SRCAP: variants seen among roughly 807,000 people sequenced by gnomAD.
SRCAP encodes Snf2 related CREBBP activator protein.
In SRCAP, 46 loss-of-function variants were observed where a neutral mutation model predicts 263.1. The ratio of observed to expected loss-of-function variants is 0.17; its 90% CI spans 0.14 to 0.22. The LOEUF (loss-of-function observed/expected upper bound fraction) is 0.22, where lower values mean the gene tolerates loss of function less well. Among genes scored for constraint, SRCAP ranks in the 10% least tolerant of loss-of-function variants. The probability of loss-of-function intolerance (pLI) is 1.00; values close to 1 mark genes in which losing one functional copy is unlikely to be tolerated. For missense variants in SRCAP, 3,695 were observed against 4,181.9 expected (o/e 0.88, Z 3.21); for synonymous variants, 1,813 against 1,662.1 (o/e 1.09, Z -2.21).
At position 30,733,430 on chromosome 16, in the gene SRCAP, C is replaced by G. The variant is rs1429159741; in HGVS notation, c.6278C>G (p.Thr2093Ser). 1 of 1,614,126 alleles carries G rather than the reference C, an allele frequency of 6.2e-7. No individual in the cohort carries two copies. Residue 2093 changes from threonine (T) to serine (S), a missense_variant, in exon 28 of 34, where the codon ACT becomes AGT. Physicochemically the swap from Thr to Ser is moderately conservative, Grantham distance 58. Coordinates refer to ENST00000262518, the MANE Select transcript of SRCAP (RefSeq NM_006662.3). This position sits in a 1 kb window ranked among gnomAD's most constrained non-coding sequence, Gnocchi z 5.3. ...GHLYLRLDGS[T>S]RVEQRQALME... ...CTCTACCTGCGCCTGGATGGATCTA[C>G]TAGAGTTGAACAGAGACAGGTAACC...
intron 7 of SRCAP, 41 bp from the exon 8 acceptor site, chr16:30,709,810 G>A (rs930869298): frequency 1.9e-6 from 3 of 1,613,140 alleles, no homozygotes; most frequent in Non-Finnish European, 2.5e-6. Flanking sequence ...CCTGTGGCTT[G>A]CAGGGCCCGT....
chr16:30,719,186 G>T (rs1446740477), intron 18 of SRCAP, among the ~76,000 whole-genome samples: 1 of 148,682 alleles, frequency 6.7e-6, no homozygotes, highest in Non-Finnish European at 1.5e-5. Context: ...ATAAGCCATG[G>T]TGCCCCGCCT....
At position 30,739,236 on chromosome 16, in the gene SRCAP, C is replaced by A. The variant is rs188422882; in HGVS notation, c.9196C>A (p.Leu3066Met). ...GGATGGAAGCCGCCCCCTCACCCGC[C>A]TGGCCCGCCTTCGGCTTGAAGCAGA... ...DEDGSRPLTR[L>M]ARLRLEAEGM... The change falls in exon 34 of 34, where the codon CTG (leucine) becomes ATG (methionine). Residue 3066 changes from leucine (L) to methionine (M), a missense_variant. By Grantham distance (15) the Leu-to-Met change is conservative. Coordinates refer to ENST00000262518, the MANE Select transcript of SRCAP (RefSeq NM_006662.3). 92 of 1,613,624 alleles carry A rather than the reference C, an allele frequency of 5.7e-5. No individual in the cohort carries two copies. The highest frequency in any genetic ancestry group is 7.4e-5 in the Non-Finnish European group (87 of 1,180,014).
At position 30,739,214 on chromosome 16, in the gene SRCAP, T is replaced by C. The variant is rs770777820; in HGVS notation, c.9174T>C (p.Asp3058=). 18 of 1,613,422 alleles carry C rather than the reference T, an allele frequency of 1.1e-5. No individual in the cohort carries two copies. The highest frequency in any genetic ancestry group is 1.4e-5 in the Non-Finnish European group (16 of 1,180,006). ...GESEGSSSDE[D]GSRPLTRLAR... Reference sequence around the variant, plus strand: ...GTGAGGGTAGTTCCTCTGATGAGGATGGAAGCCGCCCCCTCACCCGCCTGG... The same window carrying C: ...GTGAGGGTAGTTCCTCTGATGAGGACGGAAGCCGCCCCCTCACCCGCCTGG... Residue 3058 remains aspartate, a synonymous_variant, in exon 34 of 34, where the codon GAT becomes GAC. Transcript: ENST00000262518.
Position 30,724,754 on chromosome 16 carries a change from C to T in SRCAP, c.5330C>T (p.Ala1777Val), listed in dbSNP as rs2053046753. 1 of 1,613,952 alleles carries T rather than the reference C, an allele frequency of 6.2e-7. No homozygotes were observed. Among genetic ancestry groups the T allele is most frequent in the African/African-American group, 1.3e-5 (1 of 75,030 alleles). ...ACTTTGGCTCCAGCATCGTCATCTGCTTCACTCCTGGCCCCAGCTTCAGTG... is the reference window on the plus strand; with the variant it reads ...ACTTTGGCTCCAGCATCGTCATCTGTTTCACTCCTGGCCCCAGCTTCAGTG... ...TLTLAPASSS[A>V]SLLAPASVQT... The change falls in exon 25 of 34, where the codon GCT (alanine) becomes GTT (valine). Residue 1777 changes from alanine (A) to valine (V), a missense_variant. Around this residue, in one of 12 missense-constraint regions of SRCAP, gnomAD observed 1,347 missense variants for 1,304.4 expected, o/e 1.03. Transcript: ENST00000262518.
Position 30,728,957 on chromosome 16 carries a change from C to G in SRCAP, c.5659-9C>G. Reference sequence around the variant, plus strand: ...TGCTGATTACTTCCTCTTTTTCTCTCACCCCCAGGACTCCCTGGAGGAAAA... The same window carrying G: ...TGCTGATTACTTCCTCTTTTTCTCTGACCCCCAGGACTCCCTGGAGGAAAA... On this transcript the variant is annotated splice_polypyrimidine_tract_variant and intron_variant, in intron 25 of 33. Coordinates refer to ENST00000262518, the MANE Select transcript of SRCAP (RefSeq NM_006662.3). The G allele has an allele frequency of 6.2e-7, 1 of 1,601,520 alleles. No individual in the cohort carries two copies. Among genetic ancestry groups the G allele is most frequent in the Non-Finnish European group, 8.5e-7 (1 of 1,171,808 alleles).
rs2052799415 is a variant in SRCAP, at chr16:30,704,086, G to A, written c.77G>A (p.Gly26Asp). Reference protein sequence around the residue: ...QTQMVSDGMTGSNPVSPASSS... With the variant: ...QTQMVSDGMTDSNPVSPASSS... ...TAGATGGTGTCGGACGGCATGACAG[G>A]CAGCAATCCTGTGTCCCCTGCCTCA... The change falls in exon 4 of 34, where the codon GGC becomes GAC. Residue 26 changes from glycine to aspartate, a missense_variant. This residue lies in a region of SRCAP where 122 missense variants were observed against 116.9 expected (regional missense o/e 1.04). Transcript: ENST00000262518. The A allele has an allele frequency of 6.2e-7, 1 of 1,613,556 alleles. No homozygotes were observed. Among genetic ancestry groups the A allele is most frequent in the Admixed American group, 1.7e-5 (1 of 59,932 alleles).
chr16:30,722,207 C>T lies in SRCAP; in HGVS notation c.3627C>T (p.Phe1209=), dbSNP rs1249404004. Residue 1209 remains phenylalanine (F), a synonymous_variant, in exon 22 of 34, where the codon TTC becomes TTT. Coordinates refer to ENST00000262518, the MANE Select transcript of SRCAP (RefSeq NM_006662.3). ...ANAGGSKPLT[F]QIQGNKLTLT... ...CAGGGGGAAGCAAACCTCTCACCTT[C>T]CAAATCCAGGGCAACAAGCTGACTT... is the stretch of plus-strand genomic sequence containing the variant. 6.2e-7 allele frequency: 1 copy of T among 1,614,078 alleles called. No individual in the cohort carries two copies. Among genetic ancestry groups the T allele is most frequent in the Admixed American group, 1.7e-5 (1 of 60,008 alleles).
chr16:30,705,638 A>T lies in SRCAP; in HGVS notation c.306+1323A>T, dbSNP rs2052818557. Reference sequence around the variant, plus strand: ...ATGGTCTTGATCTCTTGACCTTGTGATCTGCCAGCCTCGGCCTCTGAAAGT... The same window carrying T: ...ATGGTCTTGATCTCTTGACCTTGTGTTCTGCCAGCCTCGGCCTCTGAAAGT... On this transcript the variant is annotated intron_variant, in intron 4 of 33. Transcript: ENST00000262518. Among the ~76,000 whole-genome samples, 3 of 150,526 alleles carry T rather than the reference A, an allele frequency of 2.0e-5. No homozygotes were observed. The South Asian group carries it at 6.3e-4, about 31-fold the overall frequency.
At chr16:30,732,053 G>A (rs918057725) in intron 27 of SRCAP, among the ~76,000 whole-genome samples, 3 of 152,160 alleles carry the variant, frequency 2.0e-5, no homozygotes, top group Non-Finnish European at 1.5e-5. Context: ...GCTGAGGTGG[G>A]AGGATGGCTT....
In SRCAP at chr16:30,736,226, G is replaced by A. The variant is rs770413957; in HGVS notation, c.6756G>A (p.Glu2252=). The change falls in exon 32 of 34, where the codon GAG becomes GAA. Residue 2252 remains glutamate, a synonymous_variant. Coordinates refer to ENST00000262518, the MANE Select transcript of SRCAP (RefSeq NM_006662.3). ...EQALCRAEDE[E]DIRAATQAKA... ...CATTGTGTCGGGCAGAAGATGAAGA[G>A]GATATCCGTGCAGCCACCCAGGCCA... 8 of 1,614,000 alleles carry A rather than the reference G, an allele frequency of 5.0e-6. No homozygotes were observed. The highest frequency in any genetic ancestry group is 1.6e-4 in the Middle Eastern group (1 of 6,084).
chr16:30,725,453 AG>A (rs778910783), intron 25 of SRCAP: 5 of 179,802 alleles, frequency 2.8e-5, no homozygotes, highest in Admixed American at 5.7e-5. Flanking sequence ...GTAGTACTTG[AG>A]TTAAACTCAC....
chr16:30,717,757 C>T (rs553612717), intron 18 of SRCAP, among the ~76,000 whole-genome samples: 4 of 151,750 alleles, frequency 2.6e-5, no homozygotes, highest in East Asian at 1.9e-4. Flanking sequence ...TACAGGCACG[C>T]ACCACCACAC....
Position 30,720,189 on chromosome 16 carries a change from A to G in SRCAP, c.2845A>G (p.Ile949Val), listed in dbSNP as rs761754149. The G allele has an allele frequency of 1.9e-6, 3 of 1,612,944 alleles. No individual in the cohort carries two copies. In the Admixed American group the frequency reaches 5.0e-5, roughly 27 times the overall value. Residue 949 changes from isoleucine (I) to valine (V), a missense_variant, in exon 19 of 34, where the codon ATT becomes GTT. By Grantham distance (29) the Ile-to-Val change is conservative. This residue lies in a region of SRCAP where 147 missense variants were observed against 212.7 expected (regional missense o/e 0.69). Transcript: ENST00000262518. ...QRIDMGRFDLIGLEGRVSRYE... is the reference protein window; with the variant it reads ...QRIDMGRFDLVGLEGRVSRYE... ...GATAGACATGGGTCGATTTGACCTTATTGGCCTGGAAGGTCGTGTCTCTCG... is the reference window on the plus strand; with the variant it reads ...GATAGACATGGGTCGATTTGACCTTGTTGGCCTGGAAGGTCGTGTCTCTCG...
At position 30,700,705 on chromosome 16, in the gene SRCAP, C is replaced by G; in HGVS notation, c.-120C>G. On this transcript the variant is annotated 5_prime_UTR_variant, in exon 3 of 34. Coordinates refer to ENST00000262518, the MANE Select transcript of SRCAP (RefSeq NM_006662.3). ...AGGCGGGTCCCGGTGGCCGGTGGCC[C>G]AGAATGAGGCCAGCTCCCAGCATGC... 3.0e-6 allele frequency: 3 copies of G among 994,822 alleles called. No homozygotes were observed. The highest frequency in any genetic ancestry group is 4.4e-6 in the Non-Finnish European group (3 of 677,270). The allele number at this position is 994,822 out of a possible 1,614,324, so 61.6% of individuals were successfully genotyped here.
chr16:30,722,040 G>T (rs2053016614), intron 21 of SRCAP, 82 bp from the exon 22 acceptor site: 2 of 1,516,610 alleles, frequency 1.3e-6, no homozygotes. Flanking sequence ...GACACTCGGG[G>T]GAGAGGTGTG....
intron 31 of SRCAP, among the ~76,000 whole-genome samples, chr16:30,735,232 C>T (rs1281280717): frequency 6.8e-5 from 10 of 147,464 alleles, no homozygotes; most frequent in Admixed American, 4.7e-4. Flanking sequence ...CTGCAAGCTC[C>T]GCCTCCCGGG....
In SRCAP at chr16:30,708,933, C is replaced by T. The variant is rs572478316; in HGVS notation, c.634-580C>T. Reference sequence around the variant, plus strand: ...TCCCAGGTTCAAGCGATTCTCCTGCCTCTGCCTCCGGAGTAGCTGAGTTTA... The same window carrying T: ...TCCCAGGTTCAAGCGATTCTCCTGCTTCTGCCTCCGGAGTAGCTGAGTTTA... On this transcript the variant is annotated intron_variant, in intron 6 of 33. Transcript: ENST00000262518. Among the ~76,000 whole-genome samples the T allele has an allele frequency of 9.8e-5, 15 of 152,294 alleles. No homozygotes were observed. The South Asian group carries it at 2.7e-3, about 27-fold the overall frequency.
At chr16:30,710,946 T>A in intron 9 of SRCAP, 53 bp from the exon 10 acceptor site, 1 of 1,597,346 alleles carries the variant, frequency 6.3e-7, no homozygotes, top group South Asian at 1.1e-5. Flanking sequence ...TTGGACTGTG[T>A]CCTGTGCCTC....
Sources: allele counts gnomAD v4.1 joint callset (sites outside exome capture counted in the v4.1 genomes callset), GRCh38; gene constraint gnomAD v4.1.1; regional missense constraint gnomAD v4.1.1; non-coding constraint Gnocchi (gnomAD v3.1); transcripts MANE v1.5; gene names NCBI Gene and HGNC (gene_info 2026-07-23, HGNC 2026-07-21).